The following ABCG2 variants were observed in gnomAD, a reference collection of about 807,000 sequenced individuals.
The protein encoded by ABCG2 is broad substrate specificity ATP-binding cassette transporter ABCG2.
A neutral mutation model predicts 73.5 loss-of-function variants in ABCG2; 80 were observed. The observed-to-expected ratio is 1.09, with a 90% CI of 0.91 to 1.31. The LOEUF (loss-of-function observed/expected upper bound fraction) is 1.31, where lower values mean the gene tolerates loss of function less well. Ranked by LOEUF, ABCG2 falls within the 50% of genes most tolerant of loss-of-function variation. The pLI, the probability that ABCG2 is intolerant of heterozygous loss-of-function variation, is 0.00. For synonymous variants in ABCG2, 269 were observed against 282.4 expected, an observed-to-expected ratio of 0.95 and a Z score of 0.48; for missense variants, 796 against 786.2, an observed-to-expected ratio of 1.01 and a Z score of -0.15.
chr4:88,203,187 A>C (rs921998033), intron 1 of ABCG2, among the ~76,000 whole-genome samples: 4 of 152,162 alleles, frequency 2.6e-5, no homozygotes, highest in Admixed American at 2.6e-4. Context: ...AATTACTAAG[A>C]ACTGGAGAGG....
At chr4:88,186,873 C>T (rs1322128805) in intron 1 of ABCG2, among the ~76,000 whole-genome samples, 2 of 138,372 alleles carry the variant, frequency 1.4e-5, no homozygotes, top group Admixed American at 7.6e-5. Flanking sequence ...GAGCCGAGAT[C>T]CCGCCACTGC....
At chr4:88,142,999 C>T (rs2110060638) in intron 1 of ABCG2, among the ~76,000 whole-genome samples, 1 of 152,074 alleles carries the variant, frequency 6.6e-6, no homozygotes. Flanking sequence ...TGCCTGTACA[C>T]AACATATACA....
intron 1 of ABCG2, among the ~76,000 whole-genome samples, chr4:88,153,178 T>C (rs1382928593): frequency 1.3e-5 from 2 of 151,290 alleles, no homozygotes; most frequent in Non-Finnish European, 2.9e-5. Flanking sequence ...CCAGGAGATA[T>C]CAGCTGTGGT....
chr4:88,099,472 T>C (rs1217838243), intron 11 of ABCG2, 24 bp from the exon 12 acceptor site: 4 of 1,582,200 alleles, frequency 2.5e-6, no homozygotes, highest in Non-Finnish European at 3.4e-6. Flanking sequence ...ATACGTATCA[T>C]ACATCCAAGA....
intron 1 of ABCG2, among the ~76,000 whole-genome samples, chr4:88,191,833 C>T (rs988899944): frequency 6.6e-6 from 1 of 152,010 alleles, no homozygotes; most frequent in Non-Finnish European, 1.5e-5. Context: ...CAAAAACATG[C>T]TAAGTATAAT....
chr4:88,139,779 G>A lies in ABCG2; in HGVS notation c.203+14C>T. The A allele has an allele frequency of 1.2e-6, 2 of 1,609,218 alleles. No homozygotes were observed. Among genetic ancestry groups the A allele is most frequent in the Non-Finnish European group, 1.7e-6 (2 of 1,176,928 alleles). On this transcript the variant is annotated intron_variant, in intron 2 of 15. Coordinates refer to ENST00000237612, the MANE Select transcript of ABCG2 (RefSeq NM_004827.3). ...AAATTAAAAAGCTGTCTTTTTACAAGTTCATGTACATACTTGATATTCGAT... is the reference window on the plus strand; with the variant it reads ...AAATTAAAAAGCTGTCTTTTTACAAATTCATGTACATACTTGATATTCGAT...
chr4:88,186,349 T>A (rs570313917), intron 1 of ABCG2, among the ~76,000 whole-genome samples: 2 of 152,180 alleles, frequency 1.3e-5, no homozygotes, highest in East Asian at 3.9e-4. Context: ...AGAACGGTGG[T>A]TAGGGGCCAG....
chr4:88,099,143 T>A (rs1357113828), intron 12 of ABCG2, among the ~76,000 whole-genome samples, 181 bp downstream of exon 12: 1 of 152,078 alleles, frequency 6.6e-6, no homozygotes, highest in African/African-American at 2.4e-5. Context: ...TGGGAAACAG[T>A]CTTGACAAAA....
chr4:88,148,369 G>C (rs1726194769), intron 1 of ABCG2, among the ~76,000 whole-genome samples: 1 of 152,160 alleles, frequency 6.6e-6, no homozygotes, highest in South Asian at 2.1e-4. Flanking sequence ...AAAGAGATAT[G>C]TTGGGTCATG....
At chr4:88,106,714 G>A (rs1411740904) in intron 10 of ABCG2, among the ~76,000 whole-genome samples, 1 of 152,172 alleles carries the variant, frequency 6.6e-6, no homozygotes, top group Non-Finnish European at 1.5e-5. Context: ...GCATAACAAT[G>A]TAAATGTACT....
At chr4:88,180,571 CA>C (rs952960252) in intron 1 of ABCG2, among the ~76,000 whole-genome samples, 4 of 151,356 alleles carry the variant, frequency 2.6e-5, no homozygotes, top group South Asian at 2.1e-4. Flanking sequence ...CTTGCCTCTA[CA>C]AAAAAAAATT....
chr4:88,178,873 T>G (rs1005862584), intron 1 of ABCG2, among the ~76,000 whole-genome samples: 12 of 152,112 alleles, frequency 7.9e-5, no homozygotes, highest in African/African-American at 2.9e-4. Context: ...CAGCACAGCC[T>G]CAGTGGAATA....
intron 1 of ABCG2, among the ~76,000 whole-genome samples, chr4:88,157,078 G>A (rs1231344476): frequency 1.3e-5 from 2 of 152,138 alleles, no homozygotes. Flanking sequence ...CTCCAGTCTG[G>A]GCAATAAAGC....
chr4:88,113,425 T>A lies in ABCG2; in HGVS notation c.1072A>T (p.Lys358Ter). The A allele has an allele frequency of 6.2e-7, 1 of 1,614,176 alleles. No individual in the cohort carries two copies. Among genetic ancestry groups the A allele is most frequent in the Non-Finnish European group, 8.5e-7 (1 of 1,180,028 alleles). The change falls in exon 9 of 16, where the codon AAG becomes TAG. Residue 358 changes from lysine (K) to a stop codon, truncating the protein, a stop_gained. Transcript: ENST00000237612. LOFTEE classifies it high-confidence loss of function. The part of the protein sequence containing the change: ...ELHQLSGGEK[K>*]KKITVFKEIS... ...TCCTTGAAGACTGTGATCTTCTTCT[T>A]CTTCTCACCCCCGGAAAGTTGATGT...
rs751986601 is a variant in ABCG2, at chr4:88,205,289, GT to G, written c.-20+25704del. ...ACACTCCAGCAGATTGCTCTTCCAAGTCTCAGGACAGTCTTAATCTTAATCT... is the reference window on the plus strand; with the variant it reads ...ACACTCCAGCAGATTGCTCTTCCAAGCTCAGGACAGTCTTAATCTTAATCT... On this transcript the variant is annotated intron_variant, in intron 1 of 15. Coordinates refer to the ABCG2 transcript ENST00000515655. 4.0e-4 allele frequency among the ~76,000 whole-genome samples: 61 copies of G among 152,146 alleles called. 1 individual carries two copies. Among genetic ancestry groups the G allele is most frequent in the Non-Finnish European group, 1.3e-4 (9 of 68,038 alleles).
chr4:88,175,128 C>G (rs1727905535), intron 1 of ABCG2, among the ~76,000 whole-genome samples: 1 of 152,216 alleles, frequency 6.6e-6, no homozygotes, highest in African/African-American at 2.4e-5. Context: ...GCCCAGCAAA[C>G]TACTACACAA....
intron 1 of ABCG2, among the ~76,000 whole-genome samples, chr4:88,195,010 A>G (rs1488705154): frequency 6.6e-6 from 1 of 152,256 alleles, no homozygotes; most frequent in Non-Finnish European, 1.5e-5. Context: ...GCCAATGCTT[A>G]GAAGTCATCA....
At chr4:88,149,106 T>A (rs1726263527) in intron 1 of ABCG2, among the ~76,000 whole-genome samples, 1 of 152,150 alleles carries the variant, frequency 6.6e-6, no homozygotes, top group East Asian at 1.9e-4. Flanking sequence ...ACCTAGCTAC[T>A]TGTGAGGCTG....
chr4:88,170,484 G>A (rs577805300), intron 1 of ABCG2, among the ~76,000 whole-genome samples: 2 of 152,330 alleles, frequency 1.3e-5, no homozygotes, highest in South Asian at 4.1e-4. Flanking sequence ...GACTGACTGG[G>A]ATTGATTTGT....
Sources: gnomAD v4.1 joint callset for allele counts (sites outside exome capture counted in the v4.1 genomes callset) on GRCh38, gnomAD v4.1.1 for gene constraint, MANE v1.5 for transcripts, NCBI Gene and HGNC (gene_info 2026-07-23, HGNC 2026-07-21) for gene names.